CDK16: variants seen among roughly 807,000 people sequenced by gnomAD.
The protein encoded by CDK16 is cyclin-dependent kinase 16.
In CDK16, 2 loss-of-function variants were observed where a neutral mutation model predicts 41.6. That is an observed-to-expected ratio of 0.05 (90% CI 0.02 to 0.15). The LOEUF is 0.15. Among genes scored for constraint, CDK16 ranks in the 10% least tolerant of loss-of-function variants. The pLI is 1.00. For synonymous variants in CDK16, 169 were observed against 169.7 expected (o/e 1.00, Z 0.03); for missense variants, 228 against 428.9 (o/e 0.53, Z 4.14).
At chrX:47,225,943 G>GTACCAC (rs1937535743) in intron 7 of CDK16, 22 bp from the exon 8 acceptor site, 1 of 1,203,304 alleles carries the variant, frequency 8.3e-7, no homozygotes. Flanking sequence ...CCTCATTCCT[G>GTACCAC]TACCACCTCT....
chrX:47,222,832 T>G, intron 1 of CDK16: 1 of 403,964 alleles, frequency 2.5e-6, no homozygotes, highest in Non-Finnish European at 4.3e-6. Flanking sequence ...ACCCTAGGGG[T>G]CCTAACCTGA....
Position 47,229,465 on chromosome X carries a change from T to C in CDK16, c.*697T>C, listed in dbSNP as rs1255133973. 3.3e-6 allele frequency: 1 copy of C among 301,721 alleles called. No individual in the cohort carries two copies. The highest frequency in any genetic ancestry group is 6.3e-6 in the Non-Finnish European group (1 of 158,293). 24.9% of individuals were successfully genotyped at this position (301,721 alleles called of 1,213,427 possible). On this transcript the variant is annotated 3_prime_UTR_variant, in exon 16 of 16. Coordinates refer to ENST00000357227, the MANE Select transcript of CDK16 (RefSeq NM_006201.5). ...ATCATCACCAGACCCTGGGATTGGCTATGGGAAAGCATGCCACAGCCACTC... is the reference window on the plus strand; with the variant it reads ...ATCATCACCAGACCCTGGGATTGGCCATGGGAAAGCATGCCACAGCCACTC...
chrX:47,225,919 C>A, intron 7 of CDK16, 46 bp from the exon 8 acceptor site: 1 of 1,194,277 alleles, frequency 8.4e-7, no homozygotes, highest in Non-Finnish European at 1.1e-6. Context: ...AGGCCAGGAG[C>A]CATAGGAAGT....
chrX:47,223,894 C>T, intron 2 of CDK16, 135 bp downstream of exon 2: 1 of 517,713 alleles, frequency 1.9e-6, no homozygotes, highest in Non-Finnish European at 3.2e-6. Flanking sequence ...TCTCCCCCTT[C>T]CCTCCCATCT....
chrX:47,226,201 T>C, intron 8 of CDK16, 78 bp from the exon 9 acceptor site: 1 of 1,183,561 alleles, frequency 8.4e-7, no homozygotes, highest in Non-Finnish European at 1.1e-6. Context: ...TGTCTGTGTT[T>C]GGGAGGGGAG....
intron 1 of CDK16, chrX:47,222,089 A>G (rs944146149): frequency 1.8e-5 from 2 of 111,754 alleles, no homozygotes; most frequent in Admixed American, 9.4e-5. Context: ...CCCTTCAGCA[A>G]TCCATCTAGG....
Position 47,218,707 on chromosome X carries a change from T to TGCGCATGCGCGGAGCGCGGCGC in CDK16, c.-400_-379dup. ...CACTTCACCCTTCCGAGCGCCTGCG[T>TGCGCATGCGCGGAGCGCGGCGC]GCGCATGCGCGGAGCGCGGCGCGCG... On this transcript the variant is annotated 5_prime_UTR_variant, in exon 1 of 16. In the 5' UTR this introduces an upstream ATG that the reference lacks. Coordinates refer to ENST00000357227, the MANE Select transcript of CDK16 (RefSeq NM_006201.5). 2.6e-6 allele frequency: 3 copies of TGCGCATGCGCGGAGCGCGGCGC among 1,164,178 alleles called. No homozygotes were observed. The highest frequency in any genetic ancestry group is 3.4e-6 in the Non-Finnish European group (3 of 871,767).
chrX:47,224,949 C>T (rs752344985), intron 5 of CDK16, 39 bp from the exon 6 acceptor site: 31 of 1,192,797 alleles, frequency 2.6e-5, no homozygotes, highest in Non-Finnish European at 3.2e-5. Flanking sequence ...CTCCTGGAAT[C>T]TCATAGCACC....
At chrX:47,219,836 G>A (rs1556796644) in intron 1 of CDK16, among the ~76,000 whole-genome samples, 1 of 110,790 alleles carries the variant, frequency 9.0e-6, no homozygotes, top group Admixed American at 9.5e-5. Context: ...TGGCCTCGAA[G>A]GTCTAGGTAG....
chrX:47,221,405 C>T (rs1383138961), intron 1 of CDK16, among the ~76,000 whole-genome samples: 1 of 112,101 alleles, frequency 8.9e-6, no homozygotes, highest in African/African-American at 3.3e-5. Context: ...CTGAGACCCC[C>T]ATCCCCCTTT....
intron 14 of CDK16, chrX:47,227,702 CT>C (rs2055256598): frequency 1.0e-5 from 4 of 398,515 alleles, no homozygotes; most frequent in South Asian, 9.1e-5. Flanking sequence ...TAGCACTTTA[CT>C]TTTTTTAAAG....
At chrX:47,218,587 C>A, upstream of CDK16, 1 of 1,150,797 alleles carries the variant, frequency 8.7e-7, no homozygotes, top group Non-Finnish European at 1.2e-6. Context: ...TCCGGCTTGG[C>A]GCCGCATCCT....
At chrX:47,223,084 G>T in intron 1 of CDK16, 1 of 1,152,788 alleles carries the variant, frequency 8.7e-7, no homozygotes, top group Middle Eastern at 2.3e-4. Context: ...TGAGGGTGGT[G>T]CTAGGGGAAC....
Position 47,227,233 on chromosome X carries a change from C to T in CDK16, c.1284+10C>T. The T allele has an allele frequency of 8.3e-7, 1 of 1,201,341 alleles. No homozygotes were observed. Among genetic ancestry groups the T allele is most frequent in the Non-Finnish European group, 1.1e-6 (1 of 888,103 alleles). On this transcript the variant is annotated intron_variant, in intron 13 of 15. Coordinates refer to ENST00000357227, the MANE Select transcript of CDK16 (RefSeq NM_006201.5). ...CACCAAGCTGTTGCAGGTGAGACCA[C>T]CTTGGGTCAGCCTTGGGGGTATGGG...
chrX:47,226,417 C>A lies in CDK16; in HGVS notation c.916+15C>A, dbSNP rs1937547509. 1.7e-6 allele frequency: 2 copies of A among 1,205,176 alleles called. No individual in the cohort carries two copies. Among genetic ancestry groups the A allele is most frequent in the African/African-American group, 3.5e-5 (2 of 56,811 alleles). ...GGCTGACTTTGGTACCACTGGCCTC[C>A]CCTTTCTTATTGGCTCCCCAGCCTC... is the stretch of plus-strand genomic sequence containing the variant. On this transcript the variant is annotated intron_variant, in intron 9 of 15. Coordinates refer to ENST00000357227, the MANE Select transcript of CDK16 (RefSeq NM_006201.5).
rs1465816270 is a variant in CDK16 at position 47,223,667 on chromosome X, G to A, written c.110G>A (p.Gly37Asp). Residue 37 changes from glycine to aspartate, a missense_variant, in exon 2 of 16, where the codon GGT becomes GAT. By Grantham distance (94) the Gly-to-Asp change is moderately conservative. Around this residue, in one of 3 missense-constraint regions of CDK16, gnomAD observed 71 missense variants for 102.2 expected, o/e 0.69. Coordinates refer to ENST00000357227, the MANE Select transcript of CDK16 (RefSeq NM_006201.5). ...APEQIGLDES[G>D]GGGGSDPGEA... ...GAGCAGATAGGCCTGGATGAGAGTG[G>A]TGGTGGTGGCGGCAGTGACCCTGGA... The A allele has an allele frequency of 8.3e-7, 1 of 1,209,237 alleles. No homozygotes were observed. Among genetic ancestry groups the A allele is most frequent in the East Asian group, 3.0e-5 (1 of 33,732 alleles).
Position 47,218,901 on chromosome X carries a change from T to TCCGCCTCAGCCA in CDK16, c.-205_-194dup. Reference sequence around the variant, plus strand: ...ATGGCCGGCTGAGCGGGACGCCGCCTCCGCCTCAGCCACCGCCGCCGCCGC... The same window carrying TCCGCCTCAGCCA: ...ATGGCCGGCTGAGCGGGACGCCGCCTCCGCCTCAGCCACCGCCTCAGCCACCGCCGCCGCCGC... On this transcript the variant is annotated 5_prime_UTR_variant, in exon 1 of 16. Coordinates refer to ENST00000357227, the MANE Select transcript of CDK16 (RefSeq NM_006201.5). The TCCGCCTCAGCCA allele has an allele frequency of 9.4e-7, 1 of 1,062,092 alleles. No homozygotes were observed. The highest frequency in any genetic ancestry group is 1.2e-6 in the Non-Finnish European group (1 of 825,297). 87.5% of individuals were successfully genotyped at this position (1,062,092 alleles called of 1,213,427 possible).
Position 47,227,113 on chromosome X carries a change from G to A in CDK16, c.1241+14G>A. 1 of 1,207,929 alleles carries A rather than the reference G, an allele frequency of 8.3e-7. No individual in the cohort carries two copies. The highest frequency in any genetic ancestry group is 1.1e-6 in the Non-Finnish European group (1 of 892,023). ...CCACGCACCCCGGTGAGGCTGGTGG[G>A]TGGGTGGGCGTTAGGGGCCAGAGTG... On this transcript the variant is annotated intron_variant, in intron 12 of 15. Coordinates refer to ENST00000357227, the MANE Select transcript of CDK16 (RefSeq NM_006201.5).
chrX:47,218,738 G>A lies in CDK16; in HGVS notation c.-374G>A, dbSNP rs781818134. ...TGCGCGGAGCGCGGCGCGCGCGGCG[G>A]TTGGGCCGTTGGCTGTTCGGCCCTG... On this transcript the variant is annotated 5_prime_UTR_variant, in exon 1 of 16. Transcript: ENST00000357227. 7.7e-5 allele frequency: 89 copies of A among 1,158,116 alleles called. No individual in the cohort carries two copies. The highest frequency in any genetic ancestry group is 1.0e-4 in the Non-Finnish European group (87 of 870,408).
Sources: gnomAD v4.1 joint callset for allele counts (sites outside exome capture counted in the v4.1 genomes callset) on GRCh38, gnomAD v4.1.1 for gene constraint, gnomAD v4.1.1 regional missense constraint, MANE v1.5 for transcripts, NCBI Gene and HGNC (gene_info 2026-07-23, HGNC 2026-07-21) for gene names.